Variants in ATP9B observed in about 807,000 individuals in gnomAD.
ATP9B encodes the protein probable phospholipid-transporting ATPase IIB.
Under a neutral mutation model 146.1 loss-of-function variants are expected in ATP9B, and 110 were observed. The observed-to-expected ratio is 0.75, with a 90% CI of 0.65 to 0.88. ATP9B has a LOEUF of 0.88. ATP9B is among the 40% of genes least tolerant of loss of function. ATP9B has a pLI of 0.00. For synonymous variants in ATP9B, 604 were observed against 569.7 expected, an observed-to-expected ratio of 1.06 and a Z score of -0.86; for missense variants, 1,499 against 1,496.4, an observed-to-expected ratio of 1.00 and a Z score of -0.03.
At chr18:79,290,165 A>G (rs973396392) in intron 13 of ATP9B, among the ~76,000 whole-genome samples, 6 of 152,146 alleles carry the variant, frequency 3.9e-5, no homozygotes, top group African/African-American at 1.4e-4. Context: ...AGGGACATTT[A>G]AGTCTGCAGA....
Position 79,377,344 on chromosome 18 carries a change from C to T in ATP9B, c.3405C>T (p.Arg1135=). Residue 1135 remains arginine (R), a synonymous_variant, in exon 30 of 30, where the codon CGC becomes CGT. Coordinates refer to ENST00000426216, the MANE Select transcript of ATP9B (RefSeq NM_198531.5). The part of the protein sequence containing the change: ...LPLYVLKYLR[R]KLSPPSYCKL... ...TGTATGTCCTCAAGTACCTGAGGCG[C>T]AAGCTCTCTCCTCCCAGCTACTGCA... The T allele has an allele frequency of 6.2e-7, 1 of 1,611,030 alleles. No homozygotes were observed. Among genetic ancestry groups the T allele is most frequent in the Non-Finnish European group, 8.5e-7 (1 of 1,180,020 alleles).
chr18:79,346,224 G>A (rs190041095), intron 23 of ATP9B, among the ~76,000 whole-genome samples: 69 of 146,662 alleles, frequency 4.7e-4, no homozygotes, highest in African/African-American at 1.5e-3. Flanking sequence ...GTCAGCGCAC[G>A]TCAGCATGTG....
intron 13 of ATP9B, among the ~76,000 whole-genome samples, chr18:79,279,422 G>T (rs1194164932): frequency 1.3e-5 from 2 of 152,108 alleles, no homozygotes; most frequent in South Asian, 2.1e-4. Flanking sequence ...AATCAGAAAT[G>T]ACAAATCACC....
chr18:79,366,908 G>A (rs1278089232), intron 26 of ATP9B, among the ~76,000 whole-genome samples: 2 of 152,248 alleles, frequency 1.3e-5, no homozygotes, highest in East Asian at 3.8e-4. Context: ...GTCTGACGGC[G>A]TCAGAGGCTG....
At chr18:79,216,225 C>T (rs1312209873) in intron 11 of ATP9B, among the ~76,000 whole-genome samples, 1 of 152,148 alleles carries the variant, frequency 6.6e-6, no homozygotes, top group Admixed American at 6.5e-5. Flanking sequence ...CCCATCTATA[C>T]ACCTGTTACT....
intron 7 of ATP9B, among the ~76,000 whole-genome samples, chr18:79,174,527 C>A (rs113180995): frequency 0.013 from 2,037 of 152,310 alleles, 18 homozygotes; most frequent in Middle Eastern, 0.031. Flanking sequence ...CCTTCTCTTG[C>A]GCTTGGTACA....
chr18:79,238,339 G>C lies in ATP9B; in HGVS notation c.1108-15042G>C, dbSNP rs552361951. ...TGCTGTCATCTCAAGGCTGTGGGGA[G>C]GTCAGTTCCGGGGCTTACGTGAGGT... is the stretch of plus-strand genomic sequence containing the variant. On this transcript the variant is annotated intron_variant, in intron 11 of 29. Transcript: ENST00000426216. Among the ~76,000 whole-genome samples the C allele has an allele frequency of 3.3e-5, 5 of 152,130 alleles. No homozygotes were observed. The South Asian group carries it at 8.3e-4, about 25-fold the overall frequency.
At chr18:79,134,784 C>A (rs561802876) in intron 5 of ATP9B, among the ~76,000 whole-genome samples, 28 of 152,174 alleles carry the variant, frequency 1.8e-4, no homozygotes, top group African/African-American at 6.7e-4. Context: ...AATGTTTTTA[C>A]CTTGACTTAT....
chr18:79,361,123 C>T (rs1306133270), intron 26 of ATP9B: 1 of 152,210 alleles, frequency 6.6e-6, no homozygotes, highest in Non-Finnish European at 1.5e-5. Context: ...CACCAGGGGT[C>T]TTGTAGCCCC....
At chr18:79,278,870 C>T (rs544373917) in intron 13 of ATP9B, among the ~76,000 whole-genome samples, 56 of 152,164 alleles carry the variant, frequency 3.7e-4, no homozygotes, top group African/African-American at 1.2e-3. Context: ...TGGTAATACA[C>T]AGAAAACAAG....
At chr18:79,082,424 C>T (rs1454560660) in intron 1 of ATP9B, among the ~76,000 whole-genome samples, 1 of 152,208 alleles carries the variant, frequency 6.6e-6, no homozygotes, top group Admixed American at 6.5e-5. Flanking sequence ...CAAACTCCTT[C>T]TCTGTCCAGT....
At chr18:79,197,570 A>G (rs115149523) in intron 9 of ATP9B, among the ~76,000 whole-genome samples, 1,946 of 152,272 alleles carry the variant, frequency 0.013, 46 homozygotes, top group African/African-American at 0.044. Flanking sequence ...AAGTGATACA[A>G]TATTGATTCA....
chr18:79,122,324 G>A (rs918493422), intron 4 of ATP9B, among the ~76,000 whole-genome samples: 1 of 152,050 alleles, frequency 6.6e-6, no homozygotes. Flanking sequence ...CTTCTCTTAC[G>A]TGGGAATAGC....
chr18:79,370,577 G>T (rs955628610), intron 26 of ATP9B, among the ~76,000 whole-genome samples: 1 of 152,194 alleles, frequency 6.6e-6, no homozygotes, highest in African/African-American at 2.4e-5. Flanking sequence ...ACAGGATTTT[G>T]TTCTCAGAGC....
At chr18:79,308,393 A>G (rs1416736560) in intron 15 of ATP9B, among the ~76,000 whole-genome samples, 1 of 152,226 alleles carries the variant, frequency 6.6e-6, no homozygotes, top group Non-Finnish European at 1.5e-5. Flanking sequence ...GGCAGTCCAA[A>G]TGTCTATCAG....
intron 8 of ATP9B, among the ~76,000 whole-genome samples, chr18:79,178,316 A>G (rs1450419753): frequency 6.6e-6 from 1 of 151,932 alleles, no homozygotes; most frequent in Non-Finnish European, 1.5e-5. Context: ...ACCAGTTTTT[A>G]TTGTAGTCAT....
chr18:79,199,527 C>T (rs899880915), intron 9 of ATP9B, among the ~76,000 whole-genome samples: 7 of 150,764 alleles, frequency 4.6e-5, no homozygotes, highest in Admixed American at 1.3e-4. Flanking sequence ...TTTGGGAGGC[C>T]GAGGCTGGTG....
At position 79,377,570 on chromosome 18, in the gene ATP9B, C is replaced by T; in HGVS notation, c.*187C>T. The T allele has an allele frequency of 1.3e-6, 1 of 758,558 alleles. No homozygotes were observed. The highest frequency in any genetic ancestry group is 2.1e-6 in the Non-Finnish European group (1 of 483,688). 47.0% of individuals were successfully genotyped at this position (758,558 alleles called of 1,614,324 possible). A position where few individuals can be genotyped will look rare whatever the true frequency, so the allele number is the denominator to read the frequency against. ...TCTCCTTCTCAGTGCAGGGACGTCA[C>T]CCCTGCCAGGCAAGCCCAGGGCACA... On this transcript the variant is annotated 3_prime_UTR_variant, in exon 30 of 30. Coordinates refer to ENST00000426216, the MANE Select transcript of ATP9B (RefSeq NM_198531.5).
chr18:79,079,164 T>G (rs990580121), intron 1 of ATP9B, among the ~76,000 whole-genome samples: 2 of 152,214 alleles, frequency 1.3e-5, no homozygotes, highest in African/African-American at 4.8e-5. Context: ...TATAATCCTT[T>G]GGGTATATAC....
Sources: gnomAD v4.1 joint callset for allele counts (sites outside exome capture counted in the v4.1 genomes callset) on GRCh38, gnomAD v4.1.1 for gene constraint, MANE v1.5 for transcripts, NCBI Gene and HGNC (gene_info 2026-07-23, HGNC 2026-07-21) for gene names.